Variants in YIPF4 observed in about 807,000 individuals in gnomAD.
YIPF4 encodes protein YIPF4.
In YIPF4, 18 loss-of-function variants were observed where a neutral mutation model predicts 29.4. The observed-to-expected ratio is 0.61, with a 90% CI of 0.42 to 0.91. The LOEUF (loss-of-function observed/expected upper bound fraction) is 0.91, where lower values mean the gene tolerates loss of function less well. YIPF4 is among the 40% of genes least tolerant of loss of function. YIPF4 has a pLI of 0.00. For missense variants in YIPF4, 279 were observed against 282.7 expected, an observed-to-expected ratio of 0.99 and a Z score of 0.09; for synonymous variants, 115 against 104.7, an observed-to-expected ratio of 1.10 and a Z score of -0.60.
At position 32,312,396 on chromosome 2, in the gene YIPF4, G is replaced by A. The variant is rs2031730937; in HGVS notation, c.*6770G>A. On this transcript the variant is annotated 3_prime_UTR_variant, in exon 6 of 6. Coordinates refer to ENST00000238831, the MANE Select transcript of YIPF4 (RefSeq NM_032312.4). ...TCAGCTACTCGGGAGGCTGAGGCAG[G>A]AGAATGGCGTGTACCCGGGAGGCGG... 1 of 144,004 alleles carries A rather than the reference G, an allele frequency of 6.9e-6. No individual in the cohort carries two copies. The allele number at this position is 144,004 out of a possible 1,614,324, so 8.9% of individuals were successfully genotyped here.
chr2:32,302,987 G>A (rs1380161450), intron 5 of YIPF4, among the ~76,000 whole-genome samples: 3 of 152,136 alleles, frequency 2.0e-5, no homozygotes, highest in Non-Finnish European at 2.9e-5. Context: ...CTGGTCTTCC[G>A]AGGTATCTTA....
chr2:32,306,359 T>C lies in YIPF4; in HGVS notation c.*733T>C. 2 of 985,808 alleles carry C rather than the reference T, an allele frequency of 2.0e-6. No individual in the cohort carries two copies. The highest frequency in any genetic ancestry group is 2.4e-6 in the Non-Finnish European group (2 of 829,894). The allele number at this position is 985,808 out of a possible 1,614,324, so 61.1% of individuals were successfully genotyped here. ...GTCCAAACATCTGATTTAAAGTTTC[T>C]GTTTATCTTTCTGACCAAAGGAGCA... On this transcript the variant is annotated 3_prime_UTR_variant, in exon 6 of 6. Transcript: ENST00000238831.
At position 32,312,918 on chromosome 2, in the gene YIPF4, G is replaced by A. The variant is rs966956403; in HGVS notation, c.*7292G>A. 2 of 152,154 alleles carry A rather than the reference G, an allele frequency of 1.3e-5. No homozygotes were observed. The highest frequency in any genetic ancestry group is 4.8e-5 in the African/African-American group (2 of 41,418). The allele number at this position is 152,154 out of a possible 1,614,324, so 9.4% of individuals were successfully genotyped here. On this transcript the variant is annotated 3_prime_UTR_variant, in exon 6 of 6. Coordinates refer to ENST00000238831, the MANE Select transcript of YIPF4 (RefSeq NM_032312.4). ...CGGCAGGAGAATGGTGTGAACCCGG[G>A]AGGCGGAGCTTGCAGTAAGCAGAGA...
At chr2:32,281,910 A>AT (rs2030432865) in intron 1 of YIPF4, among the ~76,000 whole-genome samples, 1 of 146,590 alleles carries the variant, frequency 6.8e-6, no homozygotes, top group Admixed American at 7.0e-5. Flanking sequence ...AAAAAAAAAA[A>AT]AAAAAGGCAA....
Position 32,312,518 on chromosome 2 carries a change from A to ATT in YIPF4, c.*6892_*6893insTT. On this transcript the variant is annotated 3_prime_UTR_variant, in exon 6 of 6. Coordinates refer to ENST00000238831, the MANE Select transcript of YIPF4 (RefSeq NM_032312.4). ...AAAAAAAAAAAAAAAAAAAAAAAAA[A>ATT]ATTATTTTCAAAGGATTGTGCTAGT... 1 of 144,744 alleles carries ATT rather than the reference A, an allele frequency of 6.9e-6. No homozygotes were observed. The highest frequency in any genetic ancestry group is 2.2e-4 in the South Asian group (1 of 4,592). 9.0% of individuals were successfully genotyped at this position (144,744 alleles called of 1,614,324 possible). A position where few individuals can be genotyped will look rare whatever the true frequency, so the allele number is the denominator to read the frequency against.
intron 5 of YIPF4, among the ~76,000 whole-genome samples, chr2:32,302,496 T>C (rs1156275111): frequency 6.6e-6 from 1 of 152,224 alleles, no homozygotes; most frequent in Non-Finnish European, 1.5e-5. Flanking sequence ...ATGATAGATG[T>C]GGTTCTAATA....
chr2:32,291,877 A>T lies in YIPF4; in HGVS notation c.234-300A>T, dbSNP rs998715446. Among the ~76,000 whole-genome samples, 54 of 152,238 alleles carry T rather than the reference A, an allele frequency of 3.5e-4. 1 individual carries two copies. The highest frequency in any genetic ancestry group is 1.3e-3 in the African/African-American group (52 of 41,454). ...AGAAAATTTTACTTAAAGTTTTCTT[A>T]AATTGATAGGGCTTCCAGGAGACTG... On this transcript the variant is annotated intron_variant, in intron 2 of 5. Transcript: ENST00000238831.
chr2:32,293,664 A>T (rs1249118826), intron 3 of YIPF4, among the ~76,000 whole-genome samples: 1 of 148,836 alleles, frequency 6.7e-6, no homozygotes, highest in Non-Finnish European at 1.5e-5. Flanking sequence ...CCAGTAGGGG[A>T]GGCCGGGCAG....
In YIPF4 at chr2:32,306,284, T is replaced by C. The variant is rs1489138055; in HGVS notation, c.*658T>C. 3.1e-6 allele frequency: 3 copies of C among 980,910 alleles called. No homozygotes were observed. The highest frequency in any genetic ancestry group is 3.5e-5 in the African/African-American group (2 of 57,136). The allele number at this position is 980,910 out of a possible 1,614,324, so 60.8% of individuals were successfully genotyped here. The stretch of plus-strand genomic sequence containing the variant: ...ACTAAAACTGATTTTTAATAGTTGC[T>C]GATATATATTTGGTTTGTTTGGGTA... On this transcript the variant is annotated 3_prime_UTR_variant, in exon 6 of 6. Coordinates refer to ENST00000238831, the MANE Select transcript of YIPF4 (RefSeq NM_032312.4).
At chr2:32,300,678 T>C (rs1026716787) in intron 4 of YIPF4, among the ~76,000 whole-genome samples, 4 of 152,094 alleles carry the variant, frequency 2.6e-5, no homozygotes, top group East Asian at 1.9e-4. Context: ...ATAATATTTA[T>C]ATGAAAATAT....
chr2:32,278,476 C>T (rs2030215019), intron 1 of YIPF4, among the ~76,000 whole-genome samples: 1 of 152,128 alleles, frequency 6.6e-6, no homozygotes, highest in African/African-American at 2.4e-5. Context: ...CCCATACCGT[C>T]TGGTGGCTGG....
chr2:32,280,991 T>C (rs555358766), intron 1 of YIPF4, among the ~76,000 whole-genome samples: 114 of 152,288 alleles, frequency 7.5e-4, no homozygotes, highest in African/African-American at 2.6e-3. Flanking sequence ...CCTGAGGAAT[T>C]ACTTTTTTTA....
Position 32,288,386 on chromosome 2 carries a change from C to T in YIPF4, c.80-2097C>T, listed in dbSNP as rs2030770010. On this transcript the variant is annotated intron_variant, in intron 1 of 5. Coordinates refer to ENST00000238831, the MANE Select transcript of YIPF4 (RefSeq NM_032312.4). ...ATCCTTTTTTGGTTTAGATTAAGGACTTTAAGTACAGTCCTTTCTAGAAAC... is the reference window on the plus strand; with the variant it reads ...ATCCTTTTTTGGTTTAGATTAAGGATTTTAAGTACAGTCCTTTCTAGAAAC... 3.3e-5 allele frequency among the ~76,000 whole-genome samples: 5 copies of T among 152,164 alleles called. No homozygotes were observed. The South Asian group carries it at 1.0e-3, about 31-fold the overall frequency.
At position 32,315,716 on chromosome 2, in the gene YIPF4, G is replaced by C. The variant is rs1205749840; in HGVS notation, c.*10090G>C. 1 of 152,114 alleles carries C rather than the reference G, an allele frequency of 6.6e-6. No homozygotes were observed. The highest frequency in any genetic ancestry group is 6.6e-5 in the Admixed American group (1 of 15,228). The allele number at this position is 152,114 out of a possible 1,614,324, so 9.4% of individuals were successfully genotyped here. A position where few individuals can be genotyped will look rare whatever the true frequency, so the allele number is the denominator to read the frequency against. ...GATCGCGCCACTGCACTCCAGCCTGGGTGACAAGGCAAGACTCCGTCTCAA... is the reference window on the plus strand; with the variant it reads ...GATCGCGCCACTGCACTCCAGCCTGCGTGACAAGGCAAGACTCCGTCTCAA... On this transcript the variant is annotated 3_prime_UTR_variant, in exon 6 of 6. Coordinates refer to ENST00000238831, the MANE Select transcript of YIPF4 (RefSeq NM_032312.4).
chr2:32,292,134 C>T (rs889765590), intron 2 of YIPF4, 43 bp from the exon 3 acceptor site: 6 of 1,294,566 alleles, frequency 4.6e-6, no homozygotes, highest in Non-Finnish European at 6.1e-6. Context: ...TTTTAGTATT[C>T]AGAAATGTGT....
At chr2:32,296,014 A>G (rs2148964359) in intron 3 of YIPF4, among the ~76,000 whole-genome samples, 1 of 152,312 alleles carries the variant, frequency 6.6e-6, no homozygotes, top group South Asian at 2.1e-4. Flanking sequence ...TAGTCCTATT[A>G]ATATTTACAC....
chr2:32,303,133 G>A (rs1014813152), intron 5 of YIPF4, among the ~76,000 whole-genome samples: 3 of 152,192 alleles, frequency 2.0e-5, no homozygotes, highest in African/African-American at 7.2e-5. Context: ...GGGAGGCTGA[G>A]GCGAATGGAT....
At position 32,313,573 on chromosome 2, in the gene YIPF4, C is replaced by T. The variant is rs1318016928; in HGVS notation, c.*7947C>T. 1.6e-4 allele frequency: 25 copies of T among 152,054 alleles called. No individual in the cohort carries two copies. The highest frequency in any genetic ancestry group is 1.6e-3 in the Admixed American group (24 of 15,216). The allele number at this position is 152,054 out of a possible 1,614,324, so 9.4% of individuals were successfully genotyped here. On this transcript the variant is annotated 3_prime_UTR_variant, in exon 6 of 6. Transcript: ENST00000238831. ...AGTAAAGACGGTTTCTCCATGTAGGCCAAGCGGGTCTTGAACTCCCAACCT... is the reference window on the plus strand; with the variant it reads ...AGTAAAGACGGTTTCTCCATGTAGGTCAAGCGGGTCTTGAACTCCCAACCT...
chr2:32,300,487 C>G (rs1232198112), intron 4 of YIPF4, among the ~76,000 whole-genome samples: 1 of 149,402 alleles, frequency 6.7e-6, no homozygotes, highest in Non-Finnish European at 1.5e-5. Flanking sequence ...TTTTCAGTTT[C>G]AGAAGTGAAT....
Sources: allele counts gnomAD v4.1 joint callset (sites outside exome capture counted in the v4.1 genomes callset), GRCh38; gene constraint gnomAD v4.1.1; transcripts MANE v1.5; gene names NCBI Gene and HGNC (gene_info 2026-07-23, HGNC 2026-07-21).